The following CYP4F22 variants were observed in gnomAD, a reference collection of about 807,000 sequenced individuals.
CYP4F22 encodes the protein ultra-long-chain fatty acid omega-hydroxylase.
Under a neutral mutation model 60.4 loss-of-function variants are expected in CYP4F22, and 37 were observed. The ratio of observed to expected loss-of-function variants is 0.61; its 90% CI spans 0.47 to 0.81. CYP4F22 has a LOEUF of 0.81. Ranked by LOEUF, CYP4F22 falls within the 30% of genes least tolerant of loss-of-function variation. The pLI is 0.00. For synonymous variants in CYP4F22, 258 were observed against 280.5 expected (o/e 0.92, Z 0.80); for missense variants, 655 against 715.0 (o/e 0.92, Z 0.96).
intron 1 of CYP4F22, among the ~76,000 whole-genome samples, chr19:15,520,239 A>G (rs1426938894): frequency 2.0e-5 from 3 of 150,720 alleles, no homozygotes; most frequent in Non-Finnish European, 4.4e-5. Context: ...CCAGCTACTC[A>G]GGAGGCTGAG....
At chr19:15,550,553 A>C (rs1234510276) in intron 12 of CYP4F22, 121 bp from the exon 13 acceptor site, 1 of 910,306 alleles carries the variant, frequency 1.1e-6, no homozygotes, top group Admixed American at 1.8e-5. Context: ...GGTGGAATGG[A>C]AGAGGTGGCC....
chr19:15,526,642 G>A (rs1237346350), intron 3 of CYP4F22, among the ~76,000 whole-genome samples: 1 of 151,946 alleles, frequency 6.6e-6, no homozygotes, highest in Non-Finnish European at 1.5e-5. Flanking sequence ...CAGAGCTGGG[G>A]TTCAAACCCA....
At chr19:15,526,079 T>A (rs987433263) in intron 3 of CYP4F22, among the ~76,000 whole-genome samples, 2 of 151,976 alleles carry the variant, frequency 1.3e-5, no homozygotes, top group Non-Finnish European at 2.9e-5. Flanking sequence ...GCGCGAGGAT[T>A]GTTTGAGCCT....
In CYP4F22 at chr19:15,517,064, G is replaced by A. The variant is rs144309006; in HGVS notation, c.-108-6629G>A. ...TTGAACTCCTGACCTCAGGCAATCC[G>A]CCCACCTCAGCCTCCCAAAGTGCTG... On this transcript the variant is annotated intron_variant, in intron 1 of 13. Transcript: ENST00000269703. 8.4e-4 allele frequency among the ~76,000 whole-genome samples: 128 copies of A among 152,138 alleles called. 2 individuals carry two copies. Among genetic ancestry groups the A allele is most frequent in the African/African-American group, 2.8e-3 (118 of 41,506 alleles).
At chr19:15,536,061 G>A (rs932443442) in intron 4 of CYP4F22, among the ~76,000 whole-genome samples, 2 of 152,118 alleles carry the variant, frequency 1.3e-5, no homozygotes, top group East Asian at 1.9e-4. Flanking sequence ...TGGTGTGGCC[G>A]GGCATGGTGG....
At chr19:15,525,624 G>A in intron 3 of CYP4F22, 66 bp downstream of exon 3, 4 of 1,487,918 alleles carry the variant, frequency 2.7e-6, no homozygotes, top group Non-Finnish European at 2.7e-6. Flanking sequence ...AGGTAGGGAT[G>A]GTGGGCCTGC....
In CYP4F22 at chr19:15,525,403, G is replaced by A. The variant is rs752130618; in HGVS notation, c.67G>A (p.Ala23Thr). The change falls in exon 3 of 14, where the codon GCG becomes ACG. Residue 23 changes from alanine (A) to threonine (T), a missense_variant. Transcript: ENST00000269703. Reference protein sequence around the residue: ...GLEKTAFRIYAVSTLLLFLLF... With the variant: ...GLEKTAFRIYTVSTLLLFLLF... ...GGAGAAGACGGCGTTCCGCATATAC[G>A]CGGTGTCCACCCTTCTCCTCTTCCT... 3.0e-5 allele frequency: 48 copies of A among 1,613,992 alleles called. No individual in the cohort carries two copies. The highest frequency in any genetic ancestry group is 1.6e-4 in the Middle Eastern group (1 of 6,084).
intron 1 of CYP4F22, among the ~76,000 whole-genome samples, chr19:15,512,237 G>A (rs907452145): frequency 6.6e-6 from 1 of 152,140 alleles, no homozygotes; most frequent in African/African-American, 2.4e-5. Context: ...TGATGGCAGG[G>A]ACTGGGTTCA....
intron 1 of CYP4F22, chr19:15,516,849 T>TG (rs1971161374): frequency 5.4e-6 from 2 of 367,898 alleles, no homozygotes; most frequent in East Asian, 1.7e-4. Flanking sequence ...TTTTTTTTTT[T>TG]TTTTTGAGAC....
At position 15,549,885 on chromosome 19, in the gene CYP4F22, T is replaced by C. The variant is rs527883393; in HGVS notation, c.1335+683T>C. On this transcript the variant is annotated intron_variant, in intron 12 of 13. Coordinates refer to ENST00000269703, the MANE Select transcript of CYP4F22 (RefSeq NM_173483.4). ...CGGGAGGCTGAGGCAGGAGGATCGCTTGGGCCCAGCAGTTTGAGGCTGCAA... is the reference window on the plus strand; with the variant it reads ...CGGGAGGCTGAGGCAGGAGGATCGCCTGGGCCCAGCAGTTTGAGGCTGCAA... Among the ~76,000 whole-genome samples, 5 of 152,206 alleles carry C rather than the reference T, an allele frequency of 3.3e-5. No individual in the cohort carries two copies. The South Asian group carries it at 8.3e-4, about 25-fold the overall frequency.
chr19:15,550,998 C>G (rs1348791913), intron 13 of CYP4F22, among the ~76,000 whole-genome samples: 1 of 152,268 alleles, frequency 6.6e-6, no homozygotes, highest in Non-Finnish European at 1.5e-5. Flanking sequence ...CCCATTGGCT[C>G]TATGATGCCT....
chr19:15,536,869 A>C (rs1005669959), intron 4 of CYP4F22, among the ~76,000 whole-genome samples: 2 of 152,040 alleles, frequency 1.3e-5, no homozygotes, highest in African/African-American at 4.8e-5. Context: ...TGAGCAGGGG[A>C]GGCTCATGTT....
chr19:15,537,076 A>T (rs1489175334), intron 4 of CYP4F22, among the ~76,000 whole-genome samples: 2 of 152,120 alleles, frequency 1.3e-5, no homozygotes. Flanking sequence ...AGGTGGGTGG[A>T]TCACTTGAGG....
chr19:15,515,528 C>A (rs1029191864), intron 1 of CYP4F22: 4 of 623,078 alleles, frequency 6.4e-6, no homozygotes, highest in Non-Finnish European at 1.2e-5. Flanking sequence ...AGTTCAAGAC[C>A]AGCCTGGCCA....
chr19:15,537,067 G>A (rs1037094088), intron 4 of CYP4F22, among the ~76,000 whole-genome samples: 1 of 152,194 alleles, frequency 6.6e-6, no homozygotes, highest in African/African-American at 2.4e-5. Flanking sequence ...GGGAGGCTGA[G>A]GTGGGTGGAT....
chr19:15,511,504 G>T (rs1599784128), intron 1 of CYP4F22, among the ~76,000 whole-genome samples: 1 of 152,050 alleles, frequency 6.6e-6, no homozygotes, highest in Non-Finnish European at 1.5e-5. Context: ...CAACTTAGAA[G>T]TCCCCTCTCA....
chr19:15,536,060 C>T (rs375770034), intron 4 of CYP4F22, among the ~76,000 whole-genome samples: 2 of 152,124 alleles, frequency 1.3e-5, no homozygotes, highest in Admixed American at 1.3e-4. Context: ...GTGGTGTGGC[C>T]GGGCATGGTG....
intron 10 of CYP4F22, 114 bp downstream of exon 10, chr19:15,544,393 C>A: frequency 7.8e-7 from 1 of 1,289,966 alleles, no homozygotes; most frequent in Admixed American, 2.1e-5. Context: ...CTTTAGCTTC[C>A]TGAATTGCAA....
In CYP4F22 at chr19:15,539,986, G is replaced by T. The variant is rs1971439326; in HGVS notation, c.672-464G>T. ...TTGCCCATTTTAAAATAAGTTTTAA[G>T]AATTCTTTATTTATTTTAGGTACCA... On this transcript the variant is annotated intron_variant, in intron 7 of 13. Transcript: ENST00000269703. Among the ~76,000 whole-genome samples the T allele has an allele frequency of 2.0e-5, 3 of 152,170 alleles. 1 individual carries two copies. The highest frequency in any genetic ancestry group is 2.0e-4 in the Admixed American group (3 of 15,272).
Sources: gnomAD v4.1 joint callset for allele counts (sites outside exome capture counted in the v4.1 genomes callset) on GRCh38, gnomAD v4.1.1 for gene constraint, MANE v1.5 for transcripts, NCBI Gene and HGNC (gene_info 2026-07-23, HGNC 2026-07-21) for gene names.